Variants in NDUFV2 observed in about 807,000 individuals in gnomAD.
NDUFV2 encodes NADH:ubiquinone oxidoreductase core subunit V2.
NDUFV2 carries 18 observed loss-of-function variants against 31.6 expected under a neutral mutation model. That is an observed-to-expected ratio of 0.57 (90% CI 0.39 to 0.84). NDUFV2 has a LOEUF of 0.84. Among genes scored for constraint, NDUFV2 ranks in the 40% least tolerant of loss-of-function variants. The pLI is 0.00. For missense variants in NDUFV2, 314 were observed against 303.6 expected (o/e 1.03, Z -0.26); for synonymous variants, 83 against 99.8 (o/e 0.83, Z 1.01).
chr18:9,112,221 A>G (rs1356294405), intron 1 of NDUFV2, among the ~76,000 whole-genome samples: 3 of 151,184 alleles, frequency 2.0e-5, no homozygotes. Flanking sequence ...GTTTCACCAT[A>G]TTGGCCAGGC....
chr18:9,126,855 GAAGA>G lies in NDUFV2; in HGVS notation c.607_610del (p.Glu203LeufsTer31). The G allele has an allele frequency of 6.2e-7, 1 of 1,613,748 alleles. No individual in the cohort carries two copies. Among genetic ancestry groups the G allele is most frequent in the South Asian group, 1.1e-5 (1 of 90,994 alleles). ...GGAGGATTTGACAGCTAAGGATATT[GAAGA>G]AATTATTGATGAGCTCAAGGCTGGC... is the stretch of plus-strand genomic sequence containing the variant. On this transcript the variant is annotated frameshift_variant, in exon 7 of 8. Coordinates refer to ENST00000318388, the MANE Select transcript of NDUFV2 (RefSeq NM_021074.5). LOFTEE classifies it high-confidence loss of function.
chr18:9,123,064 AATAAG>A (rs2077953472), intron 5 of NDUFV2, among the ~76,000 whole-genome samples: 1 of 152,242 alleles, frequency 6.6e-6, no homozygotes, highest in Non-Finnish European at 1.5e-5. Flanking sequence ...TCATGGAACA[AATAAG>A]ATACAAGCAT....
intron 1 of NDUFV2, among the ~76,000 whole-genome samples, chr18:9,111,591 G>T (rs2077870435): frequency 6.6e-6 from 1 of 151,760 alleles, no homozygotes. Context: ...ACCACGCCCA[G>T]CTAATTTTTG....
In NDUFV2 at chr18:9,117,908, G is replaced by C. The variant is rs1351973119; in HGVS notation, c.120+5G>C. On this transcript the variant is annotated splice_donor_5th_base_variant and intron_variant, in intron 2 of 7. Coordinates refer to ENST00000318388, the MANE Select transcript of NDUFV2 (RefSeq NM_021074.5). ...GCTGGAGGAGCTTTATTTGTGGTAAGTAATTACTTAGATTTCTTTGGAAAG... is the reference window on the plus strand; with the variant it reads ...GCTGGAGGAGCTTTATTTGTGGTAACTAATTACTTAGATTTCTTTGGAAAG... The C allele has an allele frequency of 3.2e-6, 5 of 1,576,306 alleles. No individual in the cohort carries two copies. The Admixed American group carries it at 8.3e-5, about 26-fold the overall frequency.
intron 1 of NDUFV2, chr18:9,103,323 C>T (rs4148964): frequency 0.72 from 284,018 of 394,078 alleles, 103,770 homozygotes; most frequent in South Asian, 0.83. Context: ...GCTAAATAAA[C>T]GGTATCAAAC....
At position 9,134,191 on chromosome 18, in the gene NDUFV2, G is replaced by A; in HGVS notation, c.662G>A (p.Gly221Glu). 1.2e-6 allele frequency: 2 copies of A among 1,612,648 alleles called. No homozygotes were observed. Among genetic ancestry groups the A allele is most frequent in the Non-Finnish European group, 8.5e-7 (1 of 1,179,014 alleles). The stretch of plus-strand genomic sequence containing the variant: ...AATATTACTTTTCATTTCAGGAGTG[G>A]ACGCTTCTCTTGTGAGCCAGCTGGA... ...GKIPKPGPRS[G>E]RFSCEPAGGL... The change falls in exon 8 of 8, where the codon GGA becomes GAA. Residue 221 changes from glycine (G) to glutamate (E), a missense_variant. Physicochemically the swap from Gly to Glu is moderately conservative, Grantham distance 98. Transcript: ENST00000318388.
intron 5 of NDUFV2, among the ~76,000 whole-genome samples, chr18:9,122,955 G>A (rs991529223): frequency 1.3e-5 from 2 of 152,116 alleles, no homozygotes; most frequent in Admixed American, 6.5e-5. Flanking sequence ...TTGTTTAGAA[G>A]ATTGTTTCAC....
chr18:9,119,821 T>A (rs375578034), intron 4 of NDUFV2, among the ~76,000 whole-genome samples: 49 of 152,098 alleles, frequency 3.2e-4, no homozygotes, highest in African/African-American at 1.1e-3. Flanking sequence ...TGAAAGAGGG[T>A]ATGTGTTTTT....
chr18:9,103,431 A>C, intron 1 of NDUFV2: 1 of 299,420 alleles, frequency 3.3e-6, no homozygotes, highest in Non-Finnish European at 6.1e-6. Context: ...AGTACATCTC[A>C]TGGTAGGCAA....
At chr18:9,126,733 G>A in intron 6 of NDUFV2, 98 bp from the exon 7 acceptor site, 1 of 1,092,254 alleles carries the variant, frequency 9.2e-7, no homozygotes, top group Admixed American at 1.8e-5. Context: ...CCAGGAGTTG[G>A]AGACCAGCCT....
intron 5 of NDUFV2, among the ~76,000 whole-genome samples, chr18:9,124,428 T>A (rs191714755): frequency 6.6e-6 from 1 of 151,336 alleles, no homozygotes; most frequent in African/African-American, 2.4e-5. Context: ...TGGCCTAGGA[T>A]TTTTTTCTTT....
intron 1 of NDUFV2, among the ~76,000 whole-genome samples, chr18:9,113,118 T>C (rs1174725136): frequency 1.3e-5 from 2 of 152,184 alleles, no homozygotes; most frequent in South Asian, 2.1e-4. Flanking sequence ...AACAGAATAA[T>C]AACAGTATGT....
chr18:9,104,126 G>A (rs756754209), intron 1 of NDUFV2: 36 of 1,611,584 alleles, frequency 2.2e-5, no homozygotes, highest in Non-Finnish European at 2.9e-5. Context: ...AACAGATTGG[G>A]CATGGGGTCC....
At chr18:9,103,118 G>C (rs1356859312) in intron 1 of NDUFV2, 1 of 404,408 alleles carries the variant, frequency 2.5e-6, no homozygotes, top group Non-Finnish European at 4.4e-6. Flanking sequence ...GCTCTGGCCA[G>C]ATCAGTTTCG....
chr18:9,128,882 C>T (rs1419795067), intron 7 of NDUFV2, among the ~76,000 whole-genome samples: 1 of 152,150 alleles, frequency 6.6e-6, no homozygotes, highest in East Asian at 1.9e-4. Context: ...CCCCTCTCTT[C>T]TGATTAGATG....
intron 5 of NDUFV2, 34 bp from the exon 6 acceptor site, chr18:9,124,840 A>G (rs1396970954): frequency 6.3e-7 from 1 of 1,589,090 alleles, no homozygotes; most frequent in African/African-American, 1.4e-5. Flanking sequence ...TTAAAATATA[A>G]CCTGGTCCTT....
chr18:9,112,848 A>G (rs978623125), intron 1 of NDUFV2: 6 of 152,244 alleles, frequency 3.9e-5, no homozygotes, highest in African/African-American at 1.4e-4. Context: ...ACAGTAAGCA[A>G]GGCTACATAT....
chr18:9,110,446 A>C (rs2144731765), intron 1 of NDUFV2, among the ~76,000 whole-genome samples: 1 of 152,284 alleles, frequency 6.6e-6, no homozygotes, highest in Non-Finnish European at 1.5e-5. Flanking sequence ...GTTGAAAAAA[A>C]CCGAGAGCTA....
intron 1 of NDUFV2, chr18:9,104,231 G>A (rs1420196155): frequency 1.2e-6 from 2 of 1,612,690 alleles, no homozygotes; most frequent in South Asian, 1.1e-5. Context: ...TGGAGGTAAG[G>A]TGTGTTCCCA....
Sources: allele counts gnomAD v4.1 joint callset (sites outside exome capture counted in the v4.1 genomes callset), GRCh38; gene constraint gnomAD v4.1.1; transcripts MANE v1.5; gene names NCBI Gene and HGNC (gene_info 2026-07-23, HGNC 2026-07-21).